The following SERAC1 variants were observed in gnomAD, a reference collection of about 807,000 sequenced individuals.
SERAC1 encodes the protein protein SERAC1.
SERAC1 carries 36 observed loss-of-function variants against 85.7 expected under a neutral mutation model. The observed-to-expected ratio is 0.42, with a 90% confidence interval of 0.32 to 0.55. The LOEUF is 0.55. SERAC1 is among the 20% of genes least tolerant of loss of function. The probability of loss-of-function intolerance (pLI) is 0.11; values close to 1 mark genes in which losing one functional copy is unlikely to be tolerated. For missense variants in SERAC1, 629 were observed against 796.2 expected (o/e 0.79, Z 2.53); for synonymous variants, 242 against 265.3 (o/e 0.91, Z 0.85).
In SERAC1 at chr6:158,128,354, T is replaced by G. The variant is rs988747719; in HGVS notation, c.853-84A>C. On this transcript the variant is annotated intron_variant, in intron 9 of 16. Coordinates refer to ENST00000647468, the MANE Select transcript of SERAC1 (RefSeq NM_032861.4). ...GACACAGCCTGGTCATGGGGACAGC[T>G]AGGTAGCTCCCACTCAAGGGCAGGG... The G allele has an allele frequency of 2.2e-6, 3 of 1,363,500 alleles. No individual in the cohort carries two copies. In the Admixed American group the frequency reaches 6.1e-5, roughly 28 times the overall value. 84.5% of individuals were successfully genotyped at this position (1,363,500 alleles called of 1,614,324 possible). A position where few individuals can be genotyped will look rare whatever the true frequency, so the allele number is the denominator to read the frequency against.
rs544152329 is a variant in SERAC1, at chr6:158,125,310, A to T, written c.1015+2798T>A. On this transcript the variant is annotated intron_variant, in intron 10 of 16. Coordinates refer to ENST00000647468, the MANE Select transcript of SERAC1 (RefSeq NM_032861.4). ...TATGTACAACTATCATGTACATAAA[A>T]TTTTAAATTCAAAAATTTTTAAATA... 2.0e-5 allele frequency among the ~76,000 whole-genome samples: 3 copies of T among 152,346 alleles called. No individual in the cohort carries two copies. The South Asian group carries it at 6.2e-4, about 32-fold the overall frequency.
chr6:158,148,786 G>T, intron 5 of SERAC1, 79 bp downstream of exon 5: 1 of 1,034,586 alleles, frequency 9.7e-7, no homozygotes. Context: ...TATAAGAAAT[G>T]AAAAAAAGTA....
At position 158,148,857 on chromosome 6, in the gene SERAC1, A is replaced by G. The variant is rs1422894307; in HGVS notation, c.355+8T>C. 6.3e-7 allele frequency: 1 copy of G among 1,592,038 alleles called. No homozygotes were observed. Among genetic ancestry groups the G allele is most frequent in the African/African-American group, 1.3e-5 (1 of 74,386 alleles). On this transcript the variant is annotated splice_region_variant and intron_variant, in intron 5 of 16. Coordinates refer to ENST00000647468, the MANE Select transcript of SERAC1 (RefSeq NM_032861.4). ...ATAAGGATTCCAAGTCATATAGTGG[A>G]TATTTACCAGCAAATGGATTCCGCA...
intron 2 of SERAC1, among the ~76,000 whole-genome samples, chr6:158,156,899 GATATTAATA>G (rs1562459898): frequency 5.7e-5 from 5 of 88,192 alleles, no homozygotes; most frequent in Non-Finnish European, 1.1e-4. Context: ...TATTTATATA[GATATTAATA>G]TATTTATATA....
At chr6:158,113,373 A>G (rs1784192827) in intron 16 of SERAC1, 76 bp downstream of exon 16, 1 of 1,221,148 alleles carries the variant, frequency 8.2e-7, no homozygotes, top group East Asian at 2.4e-5. Flanking sequence ...ACCTGGATAT[A>G]AAAATTGCTG....
chr6:158,157,794 T>A (rs1259806345), intron 2 of SERAC1, among the ~76,000 whole-genome samples: 1 of 152,170 alleles, frequency 6.6e-6, no homozygotes, highest in Non-Finnish European at 1.5e-5. Flanking sequence ...GATAATTAAG[T>A]TCTATACTGA....
intron 3 of SERAC1, among the ~76,000 whole-genome samples, chr6:158,154,896 C>T (rs1018613635): frequency 6.6e-6 from 1 of 151,546 alleles, no homozygotes; most frequent in Non-Finnish European, 1.5e-5. Flanking sequence ...TTAAGCGTGC[C>T]GGAGCTGAGT....
At chr6:158,112,410 C>T (rs1442723249) in intron 16 of SERAC1, 1 of 151,666 alleles carries the variant, frequency 6.6e-6, no homozygotes, top group African/African-American at 2.4e-5. Flanking sequence ...GAGACCCTGT[C>T]TCTTAAAAAC....
At chr6:158,142,605 TA>T (rs1405613146) in intron 8 of SERAC1, among the ~76,000 whole-genome samples, 3 of 151,850 alleles carry the variant, frequency 2.0e-5, no homozygotes, top group African/African-American at 7.3e-5. Context: ...GCCTCCCGAG[TA>T]GCTGGGACTA....
At chr6:158,123,057 G>C (rs1784457730) in intron 10 of SERAC1, among the ~76,000 whole-genome samples, 1 of 152,084 alleles carries the variant, frequency 6.6e-6, no homozygotes, top group Non-Finnish European at 1.5e-5. Context: ...TATAAAAAGA[G>C]GGAAAGACAC....
intron 3 of SERAC1, among the ~76,000 whole-genome samples, chr6:158,152,149 C>T (rs1050294606): frequency 1.3e-5 from 2 of 152,224 alleles, no homozygotes; most frequent in Non-Finnish European, 2.9e-5. Context: ...AAGGCTGAGG[C>T]AGGAGGATCA....
Position 158,152,447 on chromosome 6 carries a change from C to T in SERAC1, c.129-1858G>A, listed in dbSNP as rs1345905676. Among the ~76,000 whole-genome samples the T allele has an allele frequency of 5.3e-5, 8 of 151,866 alleles. No individual in the cohort carries two copies. In the East Asian group the frequency reaches 1.6e-3, roughly 30 times the overall value. ...AGGAGAATTGCTTGAACCGAGGAGG[C>T]AGAGGTTGTAGTGAGACGAGATCAT... On this transcript the variant is annotated intron_variant, in intron 3 of 16. Transcript: ENST00000647468.
intron 8 of SERAC1, among the ~76,000 whole-genome samples, chr6:158,133,980 C>A (rs1259603862): frequency 6.6e-6 from 1 of 152,192 alleles, no homozygotes; most frequent in Non-Finnish European, 1.5e-5. Context: ...AGGGAAAGCA[C>A]AGGTATTTTC....
At chr6:158,137,191 G>A (rs1401061648) in intron 8 of SERAC1, among the ~76,000 whole-genome samples, 3 of 150,832 alleles carry the variant, frequency 2.0e-5, no homozygotes, top group Admixed American at 1.3e-4. Context: ...GTGCTTACTC[G>A]CCTAAAGAGA....
intron 1 of SERAC1, among the ~76,000 whole-genome samples, chr6:158,159,534 C>A (rs142773182): frequency 2.5e-3 from 371 of 150,862 alleles, no homozygotes; most frequent in Admixed American, 6.4e-3. Context: ...TATAAATTAT[C>A]CCTCTAAAAT....
chr6:158,133,625 T>G (rs1784730262), intron 8 of SERAC1, among the ~76,000 whole-genome samples: 1 of 152,064 alleles, frequency 6.6e-6, no homozygotes, highest in Non-Finnish European at 1.5e-5. Context: ...GACCTCGTGA[T>G]CCGCCCGCCT....
At chr6:158,155,420 G>A in intron 2 of SERAC1, 69 bp from the exon 3 acceptor site, 2 of 876,938 alleles carry the variant, frequency 2.3e-6, no homozygotes, top group East Asian at 2.5e-5. Flanking sequence ...AGGCAACAGT[G>A]TAAGTCTCTA....
intron 8 of SERAC1, among the ~76,000 whole-genome samples, chr6:158,131,362 T>C (rs867039979): frequency 8.8e-5 from 13 of 147,376 alleles, no homozygotes; most frequent in African/African-American, 3.2e-4. Flanking sequence ...TAATATACTA[T>C]ATATTTATAT....
chr6:158,156,899 G>T (rs12215362), intron 2 of SERAC1, among the ~76,000 whole-genome samples: 9 of 88,162 alleles, frequency 1.0e-4, no homozygotes, highest in East Asian at 3.8e-4. Flanking sequence ...TATTTATATA[G>T]ATATTAATAT....
Sources: allele counts gnomAD v4.1 joint callset (sites outside exome capture counted in the v4.1 genomes callset), GRCh38; gene constraint gnomAD v4.1.1; transcripts MANE v1.5; gene names NCBI Gene and HGNC (gene_info 2026-07-23, HGNC 2026-07-21).